CDC42BPB: variants seen among roughly 807,000 people sequenced by gnomAD.
CDC42BPB encodes the protein serine/threonine-protein kinase MRCK beta.
A neutral mutation model predicts 214.9 loss-of-function variants in CDC42BPB; 37 were observed. That is an observed-to-expected ratio of 0.17 (90% CI 0.13 to 0.23). The LOEUF (loss-of-function observed/expected upper bound fraction) is 0.23. Ranked by LOEUF, CDC42BPB falls within the 10% of genes least tolerant of loss-of-function variation. CDC42BPB has a pLI of 1.00. For synonymous variants in CDC42BPB, 931 were observed against 884.0 expected, an observed-to-expected ratio of 1.05 and a Z score of -0.94; for missense variants, 1,694 against 2,227.0, an observed-to-expected ratio of 0.76 and a Z score of 4.82.
intron 34 of CDC42BPB, 51 bp from the exon 35 acceptor site, chr14:102,938,462 C>A: frequency 1.3e-6 from 2 of 1,504,302 alleles, no homozygotes; most frequent in East Asian, 2.3e-5. Context: ...CCCGGCAGGG[C>A]CGGCTGCGAA....
chr14:103,031,111 A>T (rs1343534481), intron 1 of CDC42BPB, among the ~76,000 whole-genome samples: 1 of 151,938 alleles, frequency 6.6e-6, no homozygotes, highest in Non-Finnish European at 1.5e-5. Flanking sequence ...TTTTATGCTG[A>T]TATTTTTCAG....
At chr14:103,021,528 C>T (rs1035202064) in intron 1 of CDC42BPB, among the ~76,000 whole-genome samples, 1 of 149,118 alleles carries the variant, frequency 6.7e-6, no homozygotes, top group Non-Finnish European at 1.5e-5. Flanking sequence ...GCTAAAAATA[C>T]AAAAATTAGC....
chr14:102,941,550 G>A (rs547358224), intron 30 of CDC42BPB: 4 of 985,308 alleles, frequency 4.1e-6, no homozygotes, highest in Non-Finnish European at 4.8e-6. Flanking sequence ...GCCCTTCAGG[G>A]AACCACTCTC....
chr14:102,986,054 C>T (rs1196207825), intron 6 of CDC42BPB, among the ~76,000 whole-genome samples: 1 of 152,200 alleles, frequency 6.6e-6, no homozygotes, highest in African/African-American at 2.4e-5. Flanking sequence ...TCTACAACAC[C>T]CATAGAGAGG....
chr14:102,945,027 C>G (rs1420581311), intron 29 of CDC42BPB: 2 of 306,134 alleles, frequency 6.5e-6, no homozygotes, highest in Non-Finnish European at 1.3e-5. Flanking sequence ...TCACACGGCC[C>G]CCAGGCTAAC....
intron 1 of CDC42BPB, among the ~76,000 whole-genome samples, chr14:103,055,019 C>T (rs1250669779): frequency 6.6e-6 from 1 of 152,280 alleles, no homozygotes; most frequent in Admixed American, 6.5e-5. Flanking sequence ...ATCTTCCCAG[C>T]AAAACCAACT....
chr14:102,999,429 A>T, intron 5 of CDC42BPB, 136 bp downstream of exon 5: 1 of 741,814 alleles, frequency 1.3e-6, no homozygotes, highest in Non-Finnish European at 2.3e-6. Flanking sequence ...TGGGCAAATC[A>T]GTCTGTGCTG....
rs114732790 is a variant in CDC42BPB at position 102,965,977 on chromosome 14, C to T, written c.2577+305G>A. On this transcript the variant is annotated intron_variant, in intron 18 of 36. Transcript: ENST00000361246. Reference sequence around the variant, plus strand: ...CGCGGGAGGAAAAAAATAAAATACACACATCACTAAATGAACCAATGAAAT... The same window carrying T: ...CGCGGGAGGAAAAAAATAAAATACATACATCACTAAATGAACCAATGAAAT... Among the ~76,000 whole-genome samples the T allele has an allele frequency of 8.2e-3, 1,248 of 152,228 alleles. 19 individuals are homozygous for T. Among genetic ancestry groups the T allele is most frequent in the African/African-American group, 0.029 (1,202 of 41,554 alleles).
chr14:103,043,772 TTAAATTTCTC>T (rs1250589801), intron 1 of CDC42BPB, among the ~76,000 whole-genome samples: 9 of 152,316 alleles, frequency 5.9e-5, no homozygotes, highest in South Asian at 4.1e-4. Flanking sequence ...ATAATTCAAC[TTAAATTTCTC>T]TATATTGCTG....
At position 102,974,117 on chromosome 14, in the gene CDC42BPB, T is replaced by C. The variant is rs746321865; in HGVS notation, c.1540A>G (p.Thr514Ala). The C allele has an allele frequency of 6.2e-7, 1 of 1,614,002 alleles. No homozygotes were observed. The highest frequency in any genetic ancestry group is 1.1e-5 in the South Asian group (1 of 91,034). ...TCACGCTCTTGGCGAAGCGCCACTGTGTCCTCAAGCTGTCGCTCGAGCCTG... is the reference window on the plus strand; with the variant it reads ...TCACGCTCTTGGCGAAGCGCCACTGCGTCCTCAAGCTGTCGCTCGAGCCTG... ...SNRLERQLED[T>A]VALRQEREDS... The change falls in exon 12 of 37, where the codon ACA (threonine) becomes GCA (alanine). Residue 514 changes from threonine (T) to alanine (A), a missense_variant. Transcript: ENST00000361246.
At chr14:102,962,809 G>A (rs1008289507) in intron 20 of CDC42BPB, among the ~76,000 whole-genome samples, 2 of 152,142 alleles carry the variant, frequency 1.3e-5, no homozygotes, top group African/African-American at 4.8e-5. Flanking sequence ...CCGAGATTGT[G>A]CCATTGCACT....
intron 1 of CDC42BPB, among the ~76,000 whole-genome samples, chr14:103,031,735 T>C (rs1887387751): frequency 6.6e-6 from 1 of 152,162 alleles, no homozygotes; most frequent in South Asian, 2.1e-4. Context: ...TGCAGCCTGA[T>C]GTGCAGGTAG....
chr14:102,979,038 C>G (rs1364015956), intron 8 of CDC42BPB, among the ~76,000 whole-genome samples: 1 of 152,052 alleles, frequency 6.6e-6, no homozygotes, highest in African/African-American at 2.4e-5. Context: ...AGTTCTTTAT[C>G]TGGGAAATTT....
chr14:102,950,538 G>A lies in CDC42BPB; in HGVS notation c.3237C>T (p.Pro1079=), dbSNP rs145804107. 24 of 1,612,346 alleles carry A rather than the reference G, an allele frequency of 1.5e-5. No individual in the cohort carries two copies. In the Admixed American group the frequency reaches 2.2e-4, roughly 15 times the overall value. The change falls in exon 25 of 37, where the codon CCC becomes CCT. Residue 1079 remains proline, a synonymous_variant. Coordinates refer to ENST00000361246, the MANE Select transcript of CDC42BPB (RefSeq NM_006035.4). ...CGCCCAGAGGCCTCTTGGACTGCTC[G>A]GGAGGTATTGGGCACACCTGGGGGG... The part of the protein sequence containing the change: ...DGAPQVCPIP[P]EQSKRPLGVD...
In CDC42BPB at chr14:102,943,677, GGGAGAGAGGTTGCTGAGCC is replaced by G; in HGVS notation, c.4408+195_4408+213del. ...TGGAAGAACCGGCCCCATGTGCTCA[GGGAGAGAGGTTGCTGAGCC>G]CGCCTACTGCTGGTCTGAGACGTGA... is the stretch of plus-strand genomic sequence containing the variant. On this transcript the variant is annotated intron_variant, in intron 30 of 36. Coordinates refer to ENST00000361246, the MANE Select transcript of CDC42BPB (RefSeq NM_006035.4). This position sits in a 1 kb window ranked among gnomAD's most constrained non-coding sequence, Gnocchi z 4.6. The G allele has an allele frequency of 1.8e-6, 1 of 566,282 alleles. No homozygotes were observed. Among genetic ancestry groups the G allele is most frequent in the Non-Finnish European group, 3.1e-6 (1 of 322,934 alleles). 35.1% of individuals were successfully genotyped at this position (566,282 alleles called of 1,614,324 possible). A position where few individuals can be genotyped will look rare whatever the true frequency, so the allele number is the denominator to read the frequency against.
intron 1 of CDC42BPB, among the ~76,000 whole-genome samples, chr14:103,021,526 T>C (rs1214957380): frequency 6.7e-6 from 1 of 150,140 alleles, no homozygotes; most frequent in Non-Finnish European, 1.5e-5. Flanking sequence ...CTGCTAAAAA[T>C]ACAAAAATTA....
intron 30 of CDC42BPB, chr14:102,941,674 G>A (rs994664256): frequency 2.3e-6 from 1 of 429,708 alleles, no homozygotes; most frequent in Non-Finnish European, 3.1e-6. Flanking sequence ...CCAGTGAAAA[G>A]ATTCTAGTGA....
At chr14:102,988,580 T>C (rs1894352424) in intron 5 of CDC42BPB, among the ~76,000 whole-genome samples, 1 of 152,126 alleles carries the variant, frequency 6.6e-6, no homozygotes, top group African/African-American at 2.4e-5. Flanking sequence ...GGTGCTAGTG[T>C]GTGCAGAGGC....
rs1045327287 is a variant in CDC42BPB at position 103,001,956 on chromosome 14, C to G, written c.447+1972G>C. ...GTGAGGCAGACGGCGGAGGCCCACT[C>G]CAGAATGAGAATCAGACCTAGTCTG... On this transcript the variant is annotated intron_variant, in intron 4 of 36. Coordinates refer to ENST00000361246, the MANE Select transcript of CDC42BPB (RefSeq NM_006035.4). The surrounding 1 kb of genome is among the most constrained non-coding windows in gnomAD (Gnocchi z 5.8). Among the ~76,000 whole-genome samples the G allele has an allele frequency of 6.6e-6, 1 of 152,182 alleles. No homozygotes were observed. The highest frequency in any genetic ancestry group is 2.4e-5 in the African/African-American group (1 of 41,430).
Sources: gnomAD v4.1 joint callset for allele counts (sites outside exome capture counted in the v4.1 genomes callset) on GRCh38, gnomAD v4.1.1 for gene constraint, Gnocchi (gnomAD v3.1) non-coding constraint, MANE v1.5 for transcripts, NCBI Gene and HGNC (gene_info 2026-07-23, HGNC 2026-07-21) for gene names.